The following SPSB4 variants were observed in gnomAD, a reference collection of about 807,000 sequenced individuals.
SPSB4 encodes the protein splA/ryanodine receptor domain and SOCS box containing 4.
SPSB4 carries 21 observed loss-of-function variants against 20.9 expected under a neutral mutation model. That is an observed-to-expected ratio of 1.01 (90% CI 0.71 to 1.45). The LOEUF is 1.45. SPSB4 is among the 40% of genes most tolerant of loss of function. The probability of loss-of-function intolerance (pLI) is 0.00; values close to 1 mark genes in which losing one functional copy is unlikely to be tolerated. For synonymous variants in SPSB4, 207 were observed against 183.8 expected, an observed-to-expected ratio of 1.13 and a Z score of -1.02; for missense variants, 399 against 399.2, an observed-to-expected ratio of 1.00 and a Z score of 0.00.
At chr3:141,144,071 C>T (rs1939375175) in intron 2 of SPSB4, among the ~76,000 whole-genome samples, 1 of 152,184 alleles carries the variant, frequency 6.6e-6, no homozygotes, top group Admixed American at 6.5e-5. Context: ...TTTGAGCAAA[C>T]CTGGATTGGA....
intron 2 of SPSB4, among the ~76,000 whole-genome samples, chr3:141,131,786 T>C (rs1235328052): frequency 2.0e-5 from 3 of 152,246 alleles, no homozygotes; most frequent in African/African-American, 7.2e-5. Flanking sequence ...AATGCTCCTA[T>C]GAGCATTTGT....
intron 2 of SPSB4, among the ~76,000 whole-genome samples, chr3:141,096,294 A>G (rs1249585116): frequency 6.6e-6 from 1 of 152,208 alleles, no homozygotes; most frequent in East Asian, 1.9e-4. Flanking sequence ...CTTGTTAGAC[A>G]CTTGGGACCT....
At chr3:141,136,771 C>A (rs1391199924) in intron 2 of SPSB4, among the ~76,000 whole-genome samples, 1 of 152,110 alleles carries the variant, frequency 6.6e-6, no homozygotes, top group South Asian at 2.1e-4. Flanking sequence ...AGTGAGGTAG[C>A]GTGATGCCTC....
At chr3:141,072,368 A>C (rs1938023957) in intron 2 of SPSB4, among the ~76,000 whole-genome samples, 1 of 152,108 alleles carries the variant, frequency 6.6e-6, no homozygotes, top group Non-Finnish European at 1.5e-5. Flanking sequence ...CTCGTGTTGA[A>C]ATGAGATCCC....
chr3:141,147,614 CATTT>C lies in SPSB4; in HGVS notation c.*347_*350del, dbSNP rs1419830051. ...TCCTTATTCAAGAGAATGAATAAAA[CATTT>C]AGGCAGGAGACTTTCTATTGTGTGC... On this transcript the variant is annotated 3_prime_UTR_variant, in exon 3 of 3. Transcript: ENST00000310546. 2 of 218,074 alleles carry C rather than the reference CATTT, an allele frequency of 9.2e-6. No homozygotes were observed. The highest frequency in any genetic ancestry group is 2.2e-5 in the African/African-American group (1 of 44,800). 13.5% of individuals were successfully genotyped at this position (218,074 alleles called of 1,614,324 possible). A position where few individuals can be genotyped will look rare whatever the true frequency, so the allele number is the denominator to read the frequency against.
chr3:141,096,047 C>T (rs769784588), intron 2 of SPSB4, among the ~76,000 whole-genome samples: 3 of 152,078 alleles, frequency 2.0e-5, no homozygotes, highest in Non-Finnish European at 2.9e-5. Flanking sequence ...TCCCAGAAAA[C>T]TCTCAGGGAA....
At chr3:141,083,860 C>T (rs542874822) in intron 2 of SPSB4, among the ~76,000 whole-genome samples, 1 of 152,110 alleles carries the variant, frequency 6.6e-6, no homozygotes, top group South Asian at 2.1e-4. Flanking sequence ...TCTGAGACTC[C>T]TCGTTTGACT....
chr3:141,066,924 G>A, intron 2 of SPSB4, 126 bp downstream of exon 2: 1 of 970,732 alleles, frequency 1.0e-6, no homozygotes, highest in South Asian at 3.3e-5. Context: ...CAGGACCTGG[G>A]TTTCAATCCT....
At chr3:141,125,863 TA>T (rs1559854621) in intron 2 of SPSB4, among the ~76,000 whole-genome samples, 1 of 152,186 alleles carries the variant, frequency 6.6e-6, no homozygotes, top group Non-Finnish European at 1.5e-5. Flanking sequence ...ACTATAGAAA[TA>T]TCATTCTCCT....
intron 2 of SPSB4, among the ~76,000 whole-genome samples, chr3:141,132,674 T>A (rs189837635): frequency 6.6e-6 from 1 of 151,702 alleles, no homozygotes; most frequent in East Asian, 1.9e-4. Flanking sequence ...ATATATATTA[T>A]CATATTTGGT....
intron 2 of SPSB4, among the ~76,000 whole-genome samples, chr3:141,088,032 C>T (rs1938383040): frequency 6.6e-6 from 1 of 152,200 alleles, no homozygotes; most frequent in Admixed American, 6.5e-5. Context: ...TGAGACACAG[C>T]ATCAGGGTGA....
At chr3:141,091,910 G>A (rs1374697534) in intron 2 of SPSB4, among the ~76,000 whole-genome samples, 1 of 151,540 alleles carries the variant, frequency 6.6e-6, no homozygotes, top group East Asian at 1.9e-4. Flanking sequence ...AGGCAGATGA[G>A]CAGGTAGAGC....
chr3:141,067,913 C>A (rs1377342690), intron 2 of SPSB4, among the ~76,000 whole-genome samples: 1 of 152,230 alleles, frequency 6.6e-6, no homozygotes, highest in East Asian at 1.9e-4. Flanking sequence ...GAGGCAGATC[C>A]TCCTTTTAGA....
intron 2 of SPSB4, chr3:141,124,279 CAG>C: frequency 6.6e-6 from 1 of 152,384 alleles, no homozygotes; most frequent in Middle Eastern, 3.4e-3. Context: ...GCTCCAGCAA[CAG>C]GGAACAGTTC....
At chr3:141,058,291 G>T (rs540636910) in intron 1 of SPSB4, among the ~76,000 whole-genome samples, 1 of 152,312 alleles carries the variant, frequency 6.6e-6, no homozygotes, top group East Asian at 1.9e-4. Context: ...TCCCTGTCGG[G>T]TAGGAACATC....
At chr3:141,143,141 T>C (rs1268260466) in intron 2 of SPSB4, among the ~76,000 whole-genome samples, 1 of 151,722 alleles carries the variant, frequency 6.6e-6, no homozygotes, top group Non-Finnish European at 1.5e-5. Context: ...TAAACTGTTG[T>C]TGCTTTAAAA....
intron 2 of SPSB4, 88 bp downstream of exon 2, chr3:141,066,886 G>A (rs1937897127): frequency 1.5e-6 from 2 of 1,324,300 alleles, no homozygotes; most frequent in African/African-American, 1.5e-5. Context: ...TCGCCACTTG[G>A]GAGGATCCTG....
intron 2 of SPSB4, among the ~76,000 whole-genome samples, chr3:141,123,526 G>A (rs1939003536): frequency 6.6e-6 from 1 of 152,206 alleles, no homozygotes; most frequent in South Asian, 2.1e-4. Context: ...TAAGTAACCT[G>A]ATATCTGGTA....
At position 141,123,270 on chromosome 3, in the gene SPSB4, C is replaced by A. The variant is rs76358227; in HGVS notation, c.695-23872C>A. Among the ~76,000 whole-genome samples the A allele has an allele frequency of 7.0e-4, 106 of 152,354 alleles. 1 individual carries two copies. In the East Asian group the frequency reaches 0.017, roughly 24 times the overall value. ...CATACCCATGAATCTACCACCCTAC[C>A]CAGTGCCTAGAACATTGATAATCAA... On this transcript the variant is annotated intron_variant, in intron 2 of 2. Coordinates refer to ENST00000310546, the MANE Select transcript of SPSB4 (RefSeq NM_080862.3).
Sources: allele counts gnomAD v4.1 joint callset (sites outside exome capture counted in the v4.1 genomes callset), GRCh38; gene constraint gnomAD v4.1.1; transcripts MANE v1.5; gene names NCBI Gene and HGNC (gene_info 2026-07-23, HGNC 2026-07-21).